The following PIK3R4 variants were observed in gnomAD, a reference collection of about 807,000 sequenced individuals.
PIK3R4 encodes the protein phosphoinositide 3-kinase regulatory subunit 4.
PIK3R4 carries 46 observed loss-of-function variants against 136.5 expected under a neutral mutation model. The observed-to-expected ratio is 0.34, with a 90% CI of 0.27 to 0.43. The LOEUF is 0.43. PIK3R4 is among the 20% of genes least tolerant of loss of function. The pLI is 1.00. For synonymous variants in PIK3R4, 557 were observed against 566.7 expected (o/e 0.98, Z 0.24); for missense variants, 1,331 against 1,649.5 (o/e 0.81, Z 3.35).
chr3:130,679,616 C>T (rs565892329), intron 19 of PIK3R4, 131 bp from the exon 20 acceptor site: 89 of 592,358 alleles, frequency 1.5e-4, no homozygotes, highest in Middle Eastern at 1.2e-3. Flanking sequence ...CATGCTTTCA[C>T]GAATACATTG....
intron 15 of PIK3R4, 65 bp from the exon 16 acceptor site, chr3:130,684,446 C>T: frequency 7.1e-7 from 1 of 1,409,576 alleles, no homozygotes. Context: ...TGCATTTATA[C>T]AAATGAAAAA....
chr3:130,683,185 G>C (rs1372358938), intron 16 of PIK3R4, among the ~76,000 whole-genome samples: 2 of 152,216 alleles, frequency 1.3e-5, no homozygotes, highest in African/African-American at 2.4e-5. Flanking sequence ...CAGGGTAGGA[G>C]GCAGTGGTGG....
At position 130,690,548 on chromosome 3, in the gene PIK3R4, G is replaced by A; in HGVS notation, c.3205C>T (p.Leu1069Phe). The change falls in exon 14 of 20, where the codon CTT becomes TTT. Residue 1069 changes from leucine to phenylalanine, a missense_variant. Physicochemically the swap from Leu to Phe is conservative, Grantham distance 22. Coordinates refer to ENST00000356763, the MANE Select transcript of PIK3R4 (RefSeq NM_014602.3). ...GGCAGCTTAGAAGCCTCAATTCCAA[G>A]AAGCTGGACAGCACCATTATCAGAT... is the stretch of plus-strand genomic sequence containing the variant. ...IASDNGAVQL[L>F]GIEASKLPKS... is the part of the protein sequence containing the mutation. 1 of 1,613,594 alleles carries A rather than the reference G, an allele frequency of 6.2e-7. No individual in the cohort carries two copies. Among genetic ancestry groups the A allele is most frequent in the South Asian group, 1.1e-5 (1 of 91,056 alleles).
At chr3:130,680,023 A>T (rs2066446967) in intron 19 of PIK3R4, among the ~76,000 whole-genome samples, 1 of 147,966 alleles carries the variant, frequency 6.8e-6, no homozygotes, top group Admixed American at 6.8e-5. Context: ...TGCAGTGAGC[A>T]GAGATCGTGC....
At chr3:130,731,152 T>G (rs1422871195) in intron 4 of PIK3R4, among the ~76,000 whole-genome samples, 1 of 152,252 alleles carries the variant, frequency 6.6e-6, no homozygotes, top group Admixed American at 6.5e-5. Context: ...GTATCTGCTC[T>G]TCACTTACAC....
intron 9 of PIK3R4, among the ~76,000 whole-genome samples, chr3:130,715,175 G>C (rs2066656982): frequency 6.8e-6 from 1 of 146,648 alleles, no homozygotes; most frequent in African/African-American, 2.5e-5. Context: ...CCAGGCTGGA[G>C]TGCAGCGGTG....
chr3:130,701,439 G>C (rs2066573960), intron 13 of PIK3R4, among the ~76,000 whole-genome samples: 1 of 151,932 alleles, frequency 6.6e-6, no homozygotes, highest in South Asian at 2.1e-4. Flanking sequence ...TTGAACCCAG[G>C]AGGCGGTGGT....
chr3:130,721,421 T>C (rs769043042), intron 7 of PIK3R4, among the ~76,000 whole-genome samples: 20 of 151,974 alleles, frequency 1.3e-4, no homozygotes, highest in Non-Finnish European at 2.5e-4. Flanking sequence ...GAAATGAAAT[T>C]AGTATGTTGA....
At chr3:130,717,124 A>G (rs2107612836) in intron 8 of PIK3R4, among the ~76,000 whole-genome samples, 1 of 152,316 alleles carries the variant, frequency 6.6e-6, no homozygotes, top group East Asian at 1.9e-4. Context: ...ATGGATGAGT[A>G]CTGCTAAAAG....
chr3:130,703,705 T>C lies in PIK3R4; in HGVS notation c.3098+18A>G, dbSNP rs2066591790. ...TGATTTGAATTAATGAACTGATTCA[T>C]TCCTGAGCATATGGTACCTGGTAGT... On this transcript the variant is annotated intron_variant, in intron 13 of 19. Coordinates refer to ENST00000356763, the MANE Select transcript of PIK3R4 (RefSeq NM_014602.3). The C allele has an allele frequency of 2.5e-6, 4 of 1,580,226 alleles. No homozygotes were observed. Among genetic ancestry groups the C allele is most frequent in the Non-Finnish European group, 3.5e-6 (4 of 1,150,722 alleles).
intron 5 of PIK3R4, 102 bp downstream of exon 5, chr3:130,730,206 T>C: frequency 2.3e-6 from 2 of 882,116 alleles, no homozygotes; most frequent in Non-Finnish European, 3.5e-6. Context: ...ATAGATCTGG[T>C]ATTCCTTCAC....
chr3:130,706,921 A>AGT, intron 11 of PIK3R4, 27 bp downstream of exon 11: 1 of 1,562,406 alleles, frequency 6.4e-7, no homozygotes, highest in Non-Finnish European at 8.7e-7. Context: ...AGACATTAGG[A>AGT]GGACTACTGA....
intron 2 of PIK3R4, among the ~76,000 whole-genome samples, chr3:130,738,759 C>G (rs2066801315): frequency 6.6e-6 from 1 of 150,592 alleles, no homozygotes; most frequent in Non-Finnish European, 1.5e-5. Flanking sequence ...CCTTCTCCCA[C>G]TGGCCAAATC....
intron 4 of PIK3R4, among the ~76,000 whole-genome samples, chr3:130,732,540 TG>T (rs2066764932): frequency 6.6e-6 from 1 of 152,204 alleles, no homozygotes. Context: ...TAAACTTTGA[TG>T]TGTCTTAAGA....
intron 13 of PIK3R4, among the ~76,000 whole-genome samples, chr3:130,701,039 G>C (rs535864762): frequency 1.3e-5 from 2 of 152,260 alleles, no homozygotes; most frequent in Non-Finnish European, 2.9e-5. Context: ...AAATACCACT[G>C]TCTAAAGCAT....
chr3:130,687,172 C>A (rs1014856684), intron 14 of PIK3R4, among the ~76,000 whole-genome samples: 1 of 151,206 alleles, frequency 6.6e-6, no homozygotes, highest in Non-Finnish European at 1.5e-5. Flanking sequence ...TTCATATATA[C>A]CTTATACACC....
intron 8 of PIK3R4, among the ~76,000 whole-genome samples, chr3:130,717,359 G>A (rs1050372046): frequency 5.9e-5 from 9 of 151,774 alleles, no homozygotes; most frequent in Non-Finnish European, 1.3e-4. Context: ...TTCAAAATAC[G>A]AAACAATGAC....
At chr3:130,743,447 T>C (rs532527839) in intron 2 of PIK3R4, among the ~76,000 whole-genome samples, 29 of 152,132 alleles carry the variant, frequency 1.9e-4, no homozygotes, top group African/African-American at 6.7e-4. Context: ...TAAATAAAAA[T>C]ATAACCAAAT....
rs1369899274 is a variant in PIK3R4 at position 130,741,228 on chromosome 3, G to A, written c.733+3258C>T. On this transcript the variant is annotated intron_variant, in intron 2 of 19. Transcript: ENST00000356763. The stretch of plus-strand genomic sequence containing the variant: ...GTGCCCTTAATCCAATATGACTGGC[G>A]TGCTTATAAGAAAGGACACCATGTA... Among the ~76,000 whole-genome samples, 4 of 152,066 alleles carry A rather than the reference G, an allele frequency of 2.6e-5. No individual in the cohort carries two copies. In the South Asian group the frequency reaches 6.2e-4, roughly 24 times the overall value.
Sources: gnomAD v4.1 joint callset for allele counts (sites outside exome capture counted in the v4.1 genomes callset) on GRCh38, gnomAD v4.1.1 for gene constraint, MANE v1.5 for transcripts, NCBI Gene and HGNC (gene_info 2026-07-23, HGNC 2026-07-21) for gene names.